The following EMCN variants were observed in gnomAD, a reference collection of about 807,000 sequenced individuals.
EMCN encodes MUC-14.
In EMCN, 37 loss-of-function variants were observed where a neutral mutation model predicts 38.4. The ratio of observed to expected loss-of-function variants is 0.96; its 90% CI spans 0.74 to 1.27. The LOEUF is 1.27. Among genes scored for constraint, EMCN ranks in the 50% most tolerant of loss-of-function variants. EMCN has a pLI of 0.00. For missense variants in EMCN, 318 were observed against 302.8 expected (o/e 1.05, Z -0.37); for synonymous variants, 95 against 100.8 (o/e 0.94, Z 0.35).
intron 8 of EMCN, among the ~76,000 whole-genome samples, chr4:100,418,947 T>A (rs1324001578): frequency 6.6e-6 from 1 of 152,034 alleles, no homozygotes; most frequent in African/African-American, 2.4e-5. Context: ...GTATTTTTAG[T>A]TTTTTTGAGG....
intron 1 of EMCN, among the ~76,000 whole-genome samples, chr4:100,495,874 T>C (rs57383320): frequency 0.49 from 73,728 of 151,866 alleles, 18,465 homozygotes; most frequent in East Asian, 0.71. Flanking sequence ...CTTGAATAGC[T>C]AGAATCATCA....
chr4:100,500,831 T>G (rs1729331247), intron 1 of EMCN, among the ~76,000 whole-genome samples: 1 of 152,100 alleles, frequency 6.6e-6, no homozygotes, highest in Non-Finnish European at 1.5e-5. Context: ...TTCTCAAAAG[T>G]TCTGCTAAAA....
chr4:100,497,618 C>T (rs1236061831), intron 1 of EMCN, among the ~76,000 whole-genome samples: 1 of 152,064 alleles, frequency 6.6e-6, no homozygotes, highest in Non-Finnish European at 1.5e-5. Context: ...CCTCATGATC[C>T]GCCTGCCTCA....
In EMCN at chr4:100,422,667, G is replaced by T. The variant is rs903194703; in HGVS notation, c.568+354C>A. Reference sequence around the variant, plus strand: ...TAATTTGGAAATAATTCACTTTTATGGGGACCTCTACCTGTGCATTTTGAC... The same window carrying T: ...TAATTTGGAAATAATTCACTTTTATTGGGACCTCTACCTGTGCATTTTGAC... On this transcript the variant is annotated intron_variant, in intron 7 of 11. Transcript: ENST00000296420. Among the ~76,000 whole-genome samples, 18 of 151,682 alleles carry T rather than the reference G, an allele frequency of 1.2e-4. 1 individual carries two copies. Among genetic ancestry groups the T allele is most frequent in the Non-Finnish European group, 2.9e-5 (2 of 67,912 alleles).
chr4:100,475,132 A>G (rs1258656363), intron 2 of EMCN, 23 bp from the exon 3 acceptor site: 1 of 1,187,682 alleles, frequency 8.4e-7, no homozygotes, highest in Non-Finnish European at 1.2e-6. Context: ...AATAGATTAA[A>G]TTATTATTAA....
At chr4:100,501,210 G>C (rs1729341365) in intron 1 of EMCN, among the ~76,000 whole-genome samples, 1 of 151,982 alleles carries the variant, frequency 6.6e-6, no homozygotes, top group African/African-American at 2.4e-5. Flanking sequence ...TGGTTCATCT[G>C]GAATTAGCTT....
intron 2 of EMCN, among the ~76,000 whole-genome samples, chr4:100,478,563 G>C (rs1728722261): frequency 6.6e-6 from 1 of 152,064 alleles, no homozygotes; most frequent in Non-Finnish European, 1.5e-5. Flanking sequence ...ACAGAAAGAA[G>C]GCAGGAAGGG....
intron 5 of EMCN, among the ~76,000 whole-genome samples, chr4:100,443,160 C>G (rs1339833145): frequency 6.6e-6 from 1 of 152,194 alleles, no homozygotes; most frequent in East Asian, 1.9e-4. Context: ...CAGCTCATTA[C>G]TTTAAATCAC....
intron 5 of EMCN, among the ~76,000 whole-genome samples, chr4:100,445,852 T>G (rs1727656235): frequency 6.6e-6 from 1 of 152,188 alleles, no homozygotes; most frequent in African/African-American, 2.4e-5. Flanking sequence ...AGACTCAATT[T>G]TCTAGTGGCT....
Position 100,421,292 on chromosome 4 carries a change from C to T in EMCN, c.654G>A (p.Lys218=). The T allele has an allele frequency of 6.2e-7, 1 of 1,612,568 alleles. No homozygotes were observed. The highest frequency in any genetic ancestry group is 8.5e-7 in the Non-Finnish European group (1 of 1,178,958). ...AACACTGTTACCTACCCGGATCTGC[C>T]TTCCAGCACATTCGGTACAAACCCA... ...VLVGLYRMCW[K]ADPGTPENGN... is the part of the protein sequence containing the mutation. The change falls in exon 8 of 12, where the codon AAG becomes AAA. Residue 218 remains lysine (K), a synonymous_variant. Transcript: ENST00000296420.
intron 8 of EMCN, among the ~76,000 whole-genome samples, chr4:100,421,057 A>G (rs560388031): frequency 2.6e-5 from 4 of 152,074 alleles, no homozygotes; most frequent in African/African-American, 7.2e-5. Flanking sequence ...ATTAAAAAGA[A>G]TTTCCCTATA....
intron 1 of EMCN, among the ~76,000 whole-genome samples, chr4:100,515,165 A>G (rs1440420221): frequency 6.6e-6 from 1 of 152,128 alleles, no homozygotes; most frequent in Non-Finnish European, 1.5e-5. Context: ...GTTAAGGCAA[A>G]TTTCAAAAAG....
At chr4:100,431,464 C>A (rs1435192277) in intron 5 of EMCN, among the ~76,000 whole-genome samples, 4 of 152,098 alleles carry the variant, frequency 2.6e-5, no homozygotes, top group African/African-American at 9.7e-5. Flanking sequence ...CCAGTTGAAA[C>A]CCTGGGTAGA....
chr4:100,504,898 G>A (rs1259406783), intron 1 of EMCN, among the ~76,000 whole-genome samples: 3 of 152,212 alleles, frequency 2.0e-5, no homozygotes, highest in Admixed American at 6.5e-5. Context: ...ATCTCCCTGT[G>A]ATGCTGTGCT....
chr4:100,401,598 T>C (rs1726262306), intron 11 of EMCN, among the ~76,000 whole-genome samples: 1 of 152,142 alleles, frequency 6.6e-6, no homozygotes, highest in African/African-American at 2.4e-5. Flanking sequence ...AGAAAAATAA[T>C]TGAAAAACAT....
intron 1 of EMCN, among the ~76,000 whole-genome samples, chr4:100,505,238 C>T (rs773878862): frequency 1.1e-4 from 16 of 152,140 alleles, no homozygotes; most frequent in South Asian, 6.2e-4. Flanking sequence ...TAGTGGTCCC[C>T]GGGCCCAGCT....
intron 4 of EMCN, among the ~76,000 whole-genome samples, chr4:100,450,387 C>A (rs531555264): frequency 6.6e-6 from 1 of 151,912 alleles, no homozygotes; most frequent in Non-Finnish European, 1.5e-5. Flanking sequence ...AATCAGAAAT[C>A]TTGAACAGCA....
chr4:100,447,701 T>A, intron 4 of EMCN, 130 bp from the exon 5 acceptor site: 1 of 615,806 alleles, frequency 1.6e-6, no homozygotes, highest in Non-Finnish European at 2.8e-6. Flanking sequence ...TTTCAAATCA[T>A]AAAATCATGA....
At chr4:100,489,566 C>T (rs918319615) in intron 1 of EMCN, among the ~76,000 whole-genome samples, 6 of 152,144 alleles carry the variant, frequency 3.9e-5, no homozygotes, top group African/African-American at 1.2e-4. Context: ...CAATGCATTA[C>T]TGACATGTTT....
Sources: gnomAD v4.1 joint callset for allele counts (sites outside exome capture counted in the v4.1 genomes callset) on GRCh38, gnomAD v4.1.1 for gene constraint, MANE v1.5 for transcripts, NCBI Gene and HGNC (gene_info 2026-07-23, HGNC 2026-07-21) for gene names.